The following JAK2 variants were observed in gnomAD, a reference collection of about 807,000 sequenced individuals.
JAK2 encodes Janus kinase 2.
JAK2 carries 86 observed loss-of-function variants against 139.3 expected under a neutral mutation model. The ratio of observed to expected loss-of-function variants is 0.62; its 90% CI spans 0.52 to 0.74. JAK2 has a LOEUF of 0.74. Among genes scored for constraint, JAK2 ranks in the 30% least tolerant of loss-of-function variants. The pLI is 0.00. For synonymous variants in JAK2, 490 were observed against 437.7 expected (o/e 1.12, Z -1.49); for missense variants, 1,421 against 1,360.3 (o/e 1.04, Z -0.70).
At chr9:4,990,679 A>G (rs1156621499) in intron 2 of JAK2, among the ~76,000 whole-genome samples, 1 of 152,184 alleles carries the variant, frequency 6.6e-6, no homozygotes, top group African/African-American at 2.4e-5. Flanking sequence ...GATCATTGGC[A>G]AGAAATGAGA....
chr9:5,108,089 T>A (rs1172520299), intron 22 of JAK2: 1 of 152,152 alleles, frequency 6.6e-6, no homozygotes, highest in African/African-American at 2.4e-5. Flanking sequence ...TCACTAGTTT[T>A]CTCTTCTGAT....
intron 22 of JAK2, chr9:5,091,399 G>A (rs1312681685): frequency 6.6e-6 from 1 of 152,654 alleles, no homozygotes; most frequent in East Asian, 1.9e-4. Flanking sequence ...GTTGATACTG[G>A]TTTGGTGAAT....
intron 2 of JAK2, among the ~76,000 whole-genome samples, chr9:5,000,644 A>G (rs903480142): frequency 2.0e-5 from 3 of 152,160 alleles, no homozygotes; most frequent in African/African-American, 7.2e-5. Flanking sequence ...CAATTTTTAT[A>G]AATTTTCCCT....
At position 5,054,357 on chromosome 9, in the gene JAK2, G is replaced by T. The variant is rs1817618013; in HGVS notation, c.615-206G>T. 6.6e-6 allele frequency among the ~76,000 whole-genome samples: 1 copy of T among 151,988 alleles called. No homozygotes were observed. Among genetic ancestry groups the T allele is most frequent in the Non-Finnish European group, 1.5e-5 (1 of 67,912 alleles). On this transcript the variant is annotated intron_variant, in intron 6 of 24. Coordinates refer to ENST00000381652, the MANE Select transcript of JAK2 (RefSeq NM_004972.4). This position sits in a 1 kb window ranked among gnomAD's most constrained non-coding sequence, Gnocchi z 4.9. Reference sequence around the variant, plus strand: ...TTGTAAACATTGATGATAACTTAGAGTGTGTGGATATATTTATATCATCAA... The same window carrying T: ...TTGTAAACATTGATGATAACTTAGATTGTGTGGATATATTTATATCATCAA...
chr9:5,009,600 GT>G (rs1218016902), intron 2 of JAK2, among the ~76,000 whole-genome samples: 4 of 151,950 alleles, frequency 2.6e-5, no homozygotes, highest in African/African-American at 9.7e-5. Flanking sequence ...GGGGTCAGTT[GT>G]TTTCTGGTCC....
chr9:4,986,190 T>A (rs182508118), intron 2 of JAK2, among the ~76,000 whole-genome samples, 168 bp downstream of exon 2: 1 of 152,220 alleles, frequency 6.6e-6, no homozygotes, highest in Non-Finnish European at 1.5e-5. Context: ...AGAGTAATTT[T>A]GGGGTGTTTT....
rs766524586 is a variant in JAK2, at chr9:5,080,373, C to A, written c.2276C>A (p.Ser759Tyr). Residue 759 changes from serine to tyrosine, a missense_variant, in exon 17 of 25, where the codon TCT becomes TAT. Physicochemically the swap from Ser to Tyr is moderately radical, Grantham distance 144. Transcript: ENST00000381652. The stretch of plus-strand genomic sequence containing the variant: ...GATAAACCTCTAAGTGCTCTGGATT[C>A]TCAAAGAGTAAGTTTATATAGACTA... Reference protein sequence around the residue: ...GGDKPLSALDSQRKLQFYEDR... With the variant: ...GGDKPLSALDYQRKLQFYEDR... The A allele has an allele frequency of 1.6e-5, 26 of 1,611,450 alleles. No homozygotes were observed. The African/African-American group carries it at 1.9e-4, about 12-fold the overall frequency.
At chr9:4,987,619 C>T (rs1248582645) in intron 2 of JAK2, among the ~76,000 whole-genome samples, 1 of 150,320 alleles carries the variant, frequency 6.7e-6, no homozygotes, top group South Asian at 2.1e-4. Context: ...ACCTGTAATC[C>T]CAGCTACTCG....
At chr9:5,017,074 G>T (rs1343402202) in intron 2 of JAK2, among the ~76,000 whole-genome samples, 1 of 152,156 alleles carries the variant, frequency 6.6e-6, no homozygotes, top group Non-Finnish European at 1.5e-5. Flanking sequence ...ACTACTTGAG[G>T]GAAAGCCATG....
chr9:5,109,652 T>C (rs1387751238), intron 22 of JAK2: 1 of 152,152 alleles, frequency 6.6e-6, no homozygotes, highest in African/African-American at 2.4e-5. Flanking sequence ...CGTTTATATA[T>C]ACAGACCAAG....
At chr9:5,114,346 A>C (rs1822939583) in intron 22 of JAK2, 1 of 537,152 alleles carries the variant, frequency 1.9e-6, no homozygotes, top group African/African-American at 1.9e-5. Context: ...ATCCTAAGGC[A>C]AGAGAAGCAG....
intron 23 of JAK2, among the ~76,000 whole-genome samples, chr9:5,125,426 T>C (rs1444368853): frequency 6.6e-6 from 1 of 151,496 alleles, no homozygotes; most frequent in East Asian, 1.9e-4. Flanking sequence ...GTCTGAACAA[T>C]CATTTTCCAT....
intron 22 of JAK2, among the ~76,000 whole-genome samples, chr9:5,115,005 A>C (rs1234655717): frequency 6.6e-6 from 1 of 152,196 alleles, no homozygotes; most frequent in African/African-American, 2.4e-5. Flanking sequence ...GGACATAGGC[A>C]TGGGCAAGGA....
At chr9:5,080,454 T>C in intron 17 of JAK2, 74 bp downstream of exon 17, 1 of 1,541,090 alleles carries the variant, frequency 6.5e-7, no homozygotes, top group Non-Finnish European at 8.8e-7. Flanking sequence ...ATTTGTATTT[T>C]TTAGCCCATC....
At chr9:5,121,953 C>G (rs1823646490) in intron 22 of JAK2, among the ~76,000 whole-genome samples, 1 of 152,058 alleles carries the variant, frequency 6.6e-6, no homozygotes, top group South Asian at 2.1e-4. Flanking sequence ...TGGAATAAAA[C>G]TAACATACAT....
At chr9:5,020,187 G>T (rs1313876319) in intron 2 of JAK2, among the ~76,000 whole-genome samples, 1 of 152,168 alleles carries the variant, frequency 6.6e-6, no homozygotes, top group Non-Finnish European at 1.5e-5. Flanking sequence ...CGATTGGCTG[G>T]GTAGGCAAGT....
rs761630689 is a variant in JAK2 at position 5,055,636 on chromosome 9, C to T, written c.937-33C>T. ...TTTTAAAATGGCTCTGTAAATTCTA[C>T]CCGTTTTTAATTTTACATGCTTTTA... On this transcript the variant is annotated intron_variant, in intron 7 of 24. Transcript: ENST00000381652. 2.0e-6 allele frequency: 3 copies of T among 1,487,888 alleles called. No individual in the cohort carries two copies. In the Admixed American group the frequency reaches 5.6e-5, roughly 28 times the overall value. The allele number at this position is 1,487,888 out of a possible 1,614,324, so 92.2% of individuals were successfully genotyped here.
intron 22 of JAK2, among the ~76,000 whole-genome samples, chr9:5,122,182 T>C (rs1268636478): frequency 1.3e-5 from 2 of 152,088 alleles, no homozygotes; most frequent in African/African-American, 4.8e-5. Flanking sequence ...ATTCACATTT[T>C]TAATATCAGT....
Position 5,034,243 on chromosome 9 carries a change from A to G in JAK2, c.350+4337A>G, listed in dbSNP as rs1040527379. Among the ~76,000 whole-genome samples, 5 of 152,198 alleles carry G rather than the reference A, an allele frequency of 3.3e-5. 1 individual carries two copies. Among genetic ancestry groups the G allele is most frequent in the African/African-American group, 1.2e-4 (5 of 41,444 alleles). ...CAGGAGCACCCAGATTCATAAAGCA[A>G]GTCCTTAGAGACCTACAAAGAGACT... On this transcript the variant is annotated intron_variant, in intron 4 of 24. Coordinates refer to ENST00000381652, the MANE Select transcript of JAK2 (RefSeq NM_004972.4).
Sources: gnomAD v4.1 joint callset for allele counts (sites outside exome capture counted in the v4.1 genomes callset) on GRCh38, gnomAD v4.1.1 for gene constraint, Gnocchi (gnomAD v3.1) non-coding constraint, MANE v1.5 for transcripts, NCBI Gene and HGNC (gene_info 2026-07-23, HGNC 2026-07-21) for gene names.